The following EIF2AK4 variants were observed in gnomAD, a reference collection of about 807,000 sequenced individuals.
EIF2AK4 encodes eukaryotic translation initiation factor 2 alpha kinase 4.
EIF2AK4 carries 139 observed loss-of-function variants against 211.1 expected under a neutral mutation model. That is an observed-to-expected ratio of 0.66 (90% CI 0.57 to 0.76). The LOEUF is 0.76. Among genes scored for constraint, EIF2AK4 ranks in the 30% least tolerant of loss-of-function variants. The pLI is 0.00. For missense variants in EIF2AK4, 1,664 were observed against 2,043.8 expected, an observed-to-expected ratio of 0.81 and a Z score of 3.58; for synonymous variants, 710 against 751.3, an observed-to-expected ratio of 0.94 and a Z score of 0.90.
chr15:39,959,987 C>T (rs1021390553), intron 6 of EIF2AK4, among the ~76,000 whole-genome samples: 23 of 151,934 alleles, frequency 1.5e-4, no homozygotes, highest in African/African-American at 5.6e-4. Context: ...CACGGTGAAA[C>T]CCTGTCTCTA....
At chr15:39,950,769 G>T in intron 4 of EIF2AK4, among the ~76,000 whole-genome samples, 1 of 152,240 alleles carries the variant, frequency 6.6e-6, no homozygotes, top group Non-Finnish European at 1.5e-5. Flanking sequence ...TACGCCACCT[G>T]TGAACCTTGT....
At chr15:40,021,104 G>C (rs1360055511) in intron 31 of EIF2AK4, 77 bp downstream of exon 31, 8 of 1,491,858 alleles carry the variant, frequency 5.4e-6, no homozygotes, top group Non-Finnish European at 7.2e-6. Context: ...TGCACCTATA[G>C]ACTGTCAAAC....
rs372761392 is a variant in EIF2AK4, at chr15:39,934,255, G to A, written c.60G>A (p.Pro20=). 1.8e-4 allele frequency: 296 copies of A among 1,610,190 alleles called. No individual in the cohort carries two copies. The highest frequency in any genetic ancestry group is 2.4e-4 in the Non-Finnish European group (279 of 1,178,622). The change falls in exon 1 of 39, where the codon CCG becomes CCA. Residue 20 remains proline (P), a synonymous_variant. Transcript: ENST00000263791. ...GGGACGAGCCTCCGGAGAGCTACCC[G>A]CAACGACAGGACCACGAGCTACAGG... is the stretch of plus-strand genomic sequence containing the variant. The part of the protein sequence containing the change: ...RGRDEPPESY[P]QRQDHELQAL...
chr15:40,006,987 T>C (rs1186823328), intron 23 of EIF2AK4, 29 bp from the exon 24 acceptor site: 2 of 1,543,304 alleles, frequency 1.3e-6, no homozygotes, highest in Non-Finnish European at 1.8e-6. Flanking sequence ...ATTTTGACAT[T>C]GACCTTTCAT....
chr15:39,954,120 A>T, intron 5 of EIF2AK4, 136 bp downstream of exon 5: 2 of 795,660 alleles, frequency 2.5e-6, no homozygotes, highest in Non-Finnish European at 3.6e-6. Flanking sequence ...TTCACTGTGT[A>T]TTTCAGACTC....
At chr15:39,939,698 T>A (rs1022537589) in intron 2 of EIF2AK4, 81 bp downstream of exon 2, 1 of 1,159,784 alleles carries the variant, frequency 8.6e-7, no homozygotes, top group Non-Finnish European at 1.2e-6. Context: ...ATTCGTAGTA[T>A]TTTCTCCTTC....
chr15:40,014,618 G>C (rs1229925236), intron 27 of EIF2AK4, among the ~76,000 whole-genome samples: 1 of 152,184 alleles, frequency 6.6e-6, no homozygotes, highest in Non-Finnish European at 1.5e-5. Flanking sequence ...TTTCCTCCTA[G>C]GCCTCCAGGC....
At chr15:40,010,590 A>G (rs761384956) in intron 26 of EIF2AK4, among the ~76,000 whole-genome samples, 16 of 149,430 alleles carry the variant, frequency 1.1e-4, no homozygotes, top group Admixed American at 7.5e-4. Context: ...TTCATAATGA[A>G]TAAGAGGCAT....
At chr15:40,030,261 A>G in intron 34 of EIF2AK4, 98 bp from the exon 35 acceptor site, 1 of 1,208,668 alleles carries the variant, frequency 8.3e-7, no homozygotes, top group Non-Finnish European at 1.2e-6. Context: ...TAGAATCACG[A>G]CAGGATGTCT....
chr15:40,003,196 C>T lies in EIF2AK4; in HGVS notation c.3239C>T (p.Ala1080Val). The T allele has an allele frequency of 6.2e-7, 1 of 1,613,924 alleles. No homozygotes were observed. Among genetic ancestry groups the T allele is most frequent in the South Asian group, 1.1e-5 (1 of 91,044 alleles). Residue 1080 changes from alanine to valine, a missense_variant, in exon 23 of 39, where the codon GCT becomes GTT. This residue lies in a region of EIF2AK4 where 622 missense variants were observed against 796.8 expected (regional missense o/e 0.78). Coordinates refer to ENST00000263791, the MANE Select transcript of EIF2AK4 (RefSeq NM_001013703.4). Reference sequence around the variant, plus strand: ...TATTTTTTCTCATTTGGTGTAGGAGCTGTTCAGTTGTGTACTCCACTACTG... The same window carrying T: ...TATTTTTTCTCATTTGGTGTAGGAGTTGTTCAGTTGTGTACTCCACTACTG... ...TIIRIFKRHG[A>V]VQLCTPLLLP... is the part of the protein sequence containing the mutation.
chr15:39,934,593 T>C (rs2034035718), intron 1 of EIF2AK4, among the ~76,000 whole-genome samples: 1 of 152,330 alleles, frequency 6.6e-6, no homozygotes, highest in African/African-American at 2.4e-5. Context: ...CCCTCTTACC[T>C]GGCACTGCTT....
chr15:40,001,034 C>T lies in EIF2AK4; in HGVS notation c.2969C>T (p.Pro990Leu). The change falls in exon 21 of 39, where the codon CCC becomes CTC. Residue 990 changes from proline (P) to leucine (L), a missense_variant. Pro to Leu is a moderately conservative substitution (Grantham distance 98, BLOSUM62 -3). Coordinates refer to ENST00000263791, the MANE Select transcript of EIF2AK4 (RefSeq NM_001013703.4). ...TTGAACCACGATCCAGCAAAACGGC[C>T]CACAGCCACAGAACTGCTCAAGAGT... ...WLLNHDPAKR[P>L]TATELLKSEL... 2 of 1,614,176 alleles carry T rather than the reference C, an allele frequency of 1.2e-6. No individual in the cohort carries two copies. The highest frequency in any genetic ancestry group is 1.7e-6 in the Non-Finnish European group (2 of 1,180,030).
intron 6 of EIF2AK4, among the ~76,000 whole-genome samples, chr15:39,957,238 C>T (rs1478694954): frequency 6.6e-6 from 1 of 152,148 alleles, no homozygotes; most frequent in Non-Finnish European, 1.5e-5. Context: ...TTGTGGCTAA[C>T]TATAAACAGT....
intron 18 of EIF2AK4, 85 bp from the exon 19 acceptor site, chr15:39,996,879 A>G (rs2035025102): frequency 1.0e-6 from 1 of 962,510 alleles, no homozygotes; most frequent in South Asian, 1.4e-5. Flanking sequence ...ACTTTATTTC[A>G]GCTAACAATG....
chr15:39,957,446 G>A (rs1340502910), intron 6 of EIF2AK4, among the ~76,000 whole-genome samples: 1 of 152,010 alleles, frequency 6.6e-6, no homozygotes, highest in African/African-American at 2.4e-5. Flanking sequence ...TCAACCTCTG[G>A]CATTTTGCTT....
chr15:40,005,694 C>T (rs1370617305), intron 23 of EIF2AK4, among the ~76,000 whole-genome samples: 1 of 151,600 alleles, frequency 6.6e-6, no homozygotes, highest in East Asian at 2.0e-4. Context: ...GCCTCACCCT[C>T]CCGAGTAGCT....
intron 23 of EIF2AK4, among the ~76,000 whole-genome samples, chr15:40,006,132 C>T (rs1387494796): frequency 6.6e-6 from 1 of 151,972 alleles, no homozygotes; most frequent in Non-Finnish European, 1.5e-5. Flanking sequence ...GGAGTGGAAT[C>T]TTTTTTTAAA....
Position 39,959,974 on chromosome 15 carries a change from T to C in EIF2AK4, c.744-1810T>C, listed in dbSNP as rs574367677. 3.5e-4 allele frequency among the ~76,000 whole-genome samples: 54 copies of C among 152,148 alleles called. No individual in the cohort carries two copies. In the South Asian group the frequency reaches 7.1e-3, roughly 20 times the overall value. Reference sequence around the variant, plus strand: ...GTCAGGAGATCGAGACCAGCCTGGCTAACACGGTGAAACCCTGTCTCTACT... The same window carrying C: ...GTCAGGAGATCGAGACCAGCCTGGCCAACACGGTGAAACCCTGTCTCTACT... On this transcript the variant is annotated intron_variant, in intron 6 of 38. Transcript: ENST00000263791.
At chr15:40,032,938 CTTT>C in intron 37 of EIF2AK4, 137 bp downstream of exon 37, 1 of 655,802 alleles carries the variant, frequency 1.5e-6, no homozygotes, top group South Asian at 2.3e-5. Context: ...AACATTTTTC[CTTT>C]TATGTAACAT....
Sources: gnomAD v4.1 joint callset for allele counts (sites outside exome capture counted in the v4.1 genomes callset) on GRCh38, gnomAD v4.1.1 for gene constraint, gnomAD v4.1.1 regional missense constraint, MANE v1.5 for transcripts, NCBI Gene and HGNC (gene_info 2026-07-23, HGNC 2026-07-21) for gene names.